Variants in MMP20 observed in about 807,000 individuals in gnomAD.
MMP20 encodes matrix metallopeptidase 20, also known as matrix metalloproteinase-20.
In MMP20, 50 loss-of-function variants were observed where a neutral mutation model predicts 51.8. The observed-to-expected ratio is 0.97, with a 90% CI of 0.77 to 1.22. MMP20 has a LOEUF of 1.22. Among genes scored for constraint, MMP20 ranks in the 50% most tolerant of loss-of-function variants. The probability of loss-of-function intolerance (pLI) is 0.00; values close to 1 mark genes in which losing one functional copy is unlikely to be tolerated. For missense variants in MMP20, 663 were observed against 601.4 expected (o/e 1.10, Z -1.07); for synonymous variants, 244 against 216.2 (o/e 1.13, Z -1.13).
intron 6 of MMP20, among the ~76,000 whole-genome samples, chr11:102,597,305 G>C (rs1344154248): frequency 6.6e-6 from 1 of 152,198 alleles, no homozygotes; most frequent in Non-Finnish European, 1.5e-5. Context: ...GTGATATCTT[G>C]AATGACTCAA....
chr11:102,600,413 T>A (rs1859431509), intron 6 of MMP20, among the ~76,000 whole-genome samples: 1 of 152,236 alleles, frequency 6.6e-6, no homozygotes, highest in Non-Finnish European at 1.5e-5. Context: ...CTTAACTTCT[T>A]TTGTTATTAA....
chr11:102,615,086 ATAATT>A (rs1410196749), intron 2 of MMP20, among the ~76,000 whole-genome samples: 1 of 147,712 alleles, frequency 6.8e-6, no homozygotes, highest in Admixed American at 6.8e-5. Context: ...TGTATTTAAT[ATAATT>A]TAATGTAATT....
chr11:102,595,072 C>T (rs938792049), intron 6 of MMP20, among the ~76,000 whole-genome samples: 1 of 152,030 alleles, frequency 6.6e-6, no homozygotes, highest in Non-Finnish European at 1.5e-5. Flanking sequence ...CAGCTGTGTG[C>T]CACCATGCCT....
At chr11:102,596,995 C>G (rs1414951495) in intron 6 of MMP20, among the ~76,000 whole-genome samples, 1 of 152,176 alleles carries the variant, frequency 6.6e-6, no homozygotes. Flanking sequence ...TAATGCAATT[C>G]AATACATAGC....
intron 8 of MMP20, among the ~76,000 whole-genome samples, chr11:102,580,679 T>G (rs948687015): frequency 6.8e-6 from 1 of 147,274 alleles, no homozygotes; most frequent in African/African-American, 2.7e-5. Context: ...TGCAGGGGCC[T>G]GCATAACAAA....
intron 5 of MMP20, 47 bp from the exon 6 acceptor site, chr11:102,606,723 T>C: frequency 6.2e-7 from 1 of 1,606,120 alleles, no homozygotes; most frequent in Non-Finnish European, 8.5e-7. Context: ...GAATTTGGAG[T>C]TCACACACTT....
At chr11:102,596,084 A>G (rs1376690683) in intron 6 of MMP20, among the ~76,000 whole-genome samples, 2 of 152,208 alleles carry the variant, frequency 1.3e-5, no homozygotes, top group Non-Finnish European at 2.9e-5. Context: ...CCTGCCCTCA[A>G]TATGTTTACA....
intron 8 of MMP20, among the ~76,000 whole-genome samples, chr11:102,585,336 ATTT>A (rs1859242781): frequency 6.6e-6 from 1 of 152,086 alleles, no homozygotes; most frequent in South Asian, 2.1e-4. Flanking sequence ...TGTTAAATTT[ATTT>A]TTAAGTATTT....
chr11:102,583,519 A>G (rs1859219673), intron 8 of MMP20: 1 of 152,206 alleles, frequency 6.6e-6, no homozygotes, highest in Non-Finnish European at 1.5e-5. Context: ...ATAGGTCTGT[A>G]GGAGCTATAG....
chr11:102,623,087 GTATGTCA>G, intron 1 of MMP20, among the ~76,000 whole-genome samples: 1 of 152,320 alleles, frequency 6.6e-6, no homozygotes, highest in South Asian at 2.1e-4. Flanking sequence ...CTTTCTGAGA[GTATGTCA>G]TAAGGGAGAC....
intron 8 of MMP20, among the ~76,000 whole-genome samples, chr11:102,584,013 A>G (rs142060464): frequency 2.0e-5 from 3 of 152,264 alleles, no homozygotes; most frequent in Non-Finnish European, 4.4e-5. Flanking sequence ...ATCACATTTT[A>G]TATATCCATT....
In MMP20 at chr11:102,606,528, G is replaced by C. The variant is rs371882715; in HGVS notation, c.953+7C>G. The C allele has an allele frequency of 2.5e-6, 4 of 1,613,670 alleles. No individual in the cohort carries two copies. The African/African-American group carries it at 5.3e-5, about 22-fold the overall frequency. ...CAATGAGAGTCGGTGGCGTGTCTGAGGCTTACCGGTCCTTGAAGAGCAGGA... is the reference window on the plus strand; with the variant it reads ...CAATGAGAGTCGGTGGCGTGTCTGACGCTTACCGGTCCTTGAAGAGCAGGA... On this transcript the variant is annotated splice_region_variant and intron_variant, in intron 6 of 9. Coordinates refer to ENST00000260228, the MANE Select transcript of MMP20 (RefSeq NM_004771.4).
intron 8 of MMP20, among the ~76,000 whole-genome samples, chr11:102,589,428 TGTTA>T (rs1289613841): frequency 6.6e-6 from 1 of 152,218 alleles, no homozygotes; most frequent in Non-Finnish European, 1.5e-5. Context: ...CTTGGATTTC[TGTTA>T]GTTATTTATC....
At position 102,585,936 on chromosome 11, in the gene MMP20, T is replaced by A. The variant is rs559195801; in HGVS notation, c.1248-6794A>T. ...TACATTAATTGATTTTTGGATGAAT[T>A]CCTGGGACAAATCCTACTTGGTCTT... On this transcript the variant is annotated intron_variant, in intron 8 of 9. Coordinates refer to ENST00000260228, the MANE Select transcript of MMP20 (RefSeq NM_004771.4). 3.3e-5 allele frequency among the ~76,000 whole-genome samples: 5 copies of A among 152,324 alleles called. No homozygotes were observed. In the South Asian group the frequency reaches 1.0e-3, roughly 32 times the overall value.
In MMP20 at chr11:102,609,931, GC is replaced by G; in HGVS notation, c.622del (p.Ala208LeufsTer36). ...ATTCGTTCCCATAGTCCACTTCTCA[GC>G]ATTGTCGAAATGTGTATCTCCTCCC... ...GLGGDTHFDN[A>X]EKWTMGTNGF... On this transcript the variant is annotated frameshift_variant, in exon 4 of 10. Coordinates refer to ENST00000260228, the MANE Select transcript of MMP20 (RefSeq NM_004771.4). LOFTEE classifies it high-confidence loss of function. The G allele has an allele frequency of 6.2e-7, 1 of 1,614,134 alleles. No individual in the cohort carries two copies. The highest frequency in any genetic ancestry group is 2.2e-5 in the East Asian group (1 of 44,888).
chr11:102,613,652 A>G (rs562738236), intron 2 of MMP20, among the ~76,000 whole-genome samples: 22 of 152,310 alleles, frequency 1.4e-4, no homozygotes, highest in Admixed American at 1.0e-3. Context: ...GTCCCAAATG[A>G]AAGGACTGTG....
intron 1 of MMP20, among the ~76,000 whole-genome samples, chr11:102,618,619 G>A (rs1282394037): frequency 6.6e-6 from 1 of 151,878 alleles, no homozygotes; most frequent in Non-Finnish European, 1.5e-5. Flanking sequence ...GAAAAGAAGA[G>A]GAGAAATCTT....
chr11:102,588,105 A>G lies in MMP20; in HGVS notation c.1247+5334T>C, dbSNP rs1380957770. ...ATTTCTTTTATAATTGTTTAACTGT[A>G]TTTTCCTAAGTGATTTCCTTAGTGG... On this transcript the variant is annotated intron_variant, in intron 8 of 9. Transcript: ENST00000260228. Among the ~76,000 whole-genome samples, 3 of 152,042 alleles carry G rather than the reference A, an allele frequency of 2.0e-5. No individual in the cohort carries two copies. The South Asian group carries it at 6.2e-4, about 31-fold the overall frequency.
In MMP20 at chr11:102,579,162, A is replaced by T. The variant is rs1283282292; in HGVS notation, c.1248-20T>A. 2 of 1,514,744 alleles carry T rather than the reference A, an allele frequency of 1.3e-6. No individual in the cohort carries two copies. Among genetic ancestry groups the T allele is most frequent in the Admixed American group, 1.7e-5 (1 of 59,752 alleles). 93.8% of individuals were successfully genotyped at this position (1,514,744 alleles called of 1,614,324 possible). A position where few individuals can be genotyped will look rare whatever the true frequency, so the allele number is the denominator to read the frequency against. On this transcript the variant is annotated intron_variant, in intron 8 of 9. Coordinates refer to ENST00000260228, the MANE Select transcript of MMP20 (RefSeq NM_004771.4). ...TCGTAGCTAGAAAAAGTATTATTTC[A>T]TAAATAATATTACTAAGAGGTTTTT... is the stretch of plus-strand genomic sequence containing the variant.
Sources: gnomAD v4.1 joint callset for allele counts (sites outside exome capture counted in the v4.1 genomes callset) on GRCh38, gnomAD v4.1.1 for gene constraint, MANE v1.5 for transcripts, NCBI Gene and HGNC (gene_info 2026-07-23, HGNC 2026-07-21) for gene names.